Variants in BET1 observed in about 807,000 individuals in gnomAD.
The protein encoded by BET1 is Bet1 golgi vesicular membrane trafficking protein.
BET1 carries 9 observed loss-of-function variants against 13.9 expected under a neutral mutation model. That is an observed-to-expected ratio of 0.65 (90% CI 0.39 to 1.13). The LOEUF (loss-of-function observed/expected upper bound fraction) is 1.13, where lower values mean the gene tolerates loss of function less well. Among genes scored for constraint, BET1 ranks in the 50% most tolerant of loss-of-function variants. The pLI is 0.01. For missense variants in BET1, 127 were observed against 133.6 expected, an observed-to-expected ratio of 0.95 and a Z score of 0.24; for synonymous variants, 39 against 47.3, an observed-to-expected ratio of 0.82 and a Z score of 0.72.
In BET1 at chr7:93,987,877, T is replaced by C. The variant is rs563028665; in HGVS notation, c.235+6475A>G. On this transcript the variant is annotated intron_variant and NMD_transcript_variant, in intron 4 of 6. Coordinates refer to the BET1 transcript ENST00000357520. ...GACCCTGTAGACATGGCATTCAATT[T>C]TAACTCATCTTCCCTCAGCTTTAAA... Among the ~76,000 whole-genome samples the C allele has an allele frequency of 2.0e-5, 3 of 152,310 alleles. No individual in the cohort carries two copies. In the South Asian group the frequency reaches 6.2e-4, roughly 32 times the overall value.
At chr7:93,974,939 A>C (rs1441264812) in intron 5 of BET1, among the ~76,000 whole-genome samples, 2 of 152,132 alleles carry the variant, frequency 1.3e-5, no homozygotes, top group Non-Finnish European at 1.5e-5. Flanking sequence ...TACATGATAT[A>C]CATATATTGA....
exon 7 of BET1, chr7:93,964,992 T>G (rs181641499): frequency 3.3e-5 from 5 of 152,154 alleles, no homozygotes; most frequent in Admixed American, 3.3e-4. Flanking sequence ...CAAAGGAAAA[T>G]AAATCATTCT....
At chr7:93,967,828 A>G (rs1413760527) in intron 6 of BET1, among the ~76,000 whole-genome samples, 1 of 151,810 alleles carries the variant, frequency 6.6e-6, no homozygotes, top group African/African-American at 2.4e-5. Flanking sequence ...CTCTGCAGTT[A>G]TCACAATGTA....
intron 1 of BET1, among the ~76,000 whole-genome samples, chr7:94,000,085 T>G (rs11973579): frequency 0.13 from 20,042 of 151,326 alleles, 3,881 homozygotes; most frequent in African/African-American, 0.43. Flanking sequence ...AACGGCATAG[T>G]TCAGGGTGTT....
chr7:93,990,780 G>A (rs1335685115), downstream of BET1, among the ~76,000 whole-genome samples: 1 of 150,744 alleles, frequency 6.6e-6, no homozygotes, highest in African/African-American at 2.4e-5. Context: ...AGCTACTAAT[G>A]TTATAAATGA....
intron 4 of BET1, among the ~76,000 whole-genome samples, chr7:93,977,658 C>T (rs528312313): frequency 6.6e-6 from 1 of 152,164 alleles, no homozygotes; most frequent in East Asian, 1.9e-4. Flanking sequence ...CGGGACCAAC[C>T]CTCACAGGGG....
At position 93,994,334 on chromosome 7, in the gene BET1, G is replaced by C. The variant is rs771004388; in HGVS notation, c.253C>G (p.Leu85Val). 3.5e-5 allele frequency: 56 copies of C among 1,613,608 alleles called. No homozygotes were observed. Among genetic ancestry groups the C allele is most frequent in the Admixed American group, 2.5e-4 (15 of 59,968 alleles). The change falls in exon 4 of 4, where the codon CTG becomes GTG. Residue 85 changes from leucine to valine, a missense_variant. Transcript: ENST00000222547. Reference sequence around the variant, plus strand: ...TGGCTCCCTCTGGATAAAATCTTCAGTTTGCCCATAGTTTTACCTAGAAAT... The same window carrying C: ...TGGCTCCCTCTGGATAAAATCTTCACTTTGCCCATAGTTTTACCTAGAAAT... ...TGFLGKTMGK[L>V]KILSRGSQTK...
intron 4 of BET1, among the ~76,000 whole-genome samples, chr7:93,976,834 C>T (rs1316829591): frequency 6.6e-6 from 1 of 152,052 alleles, no homozygotes; most frequent in African/African-American, 2.4e-5. Flanking sequence ...TACCCTCCCA[C>T]ACTTTCCCAT....
At chr7:93,972,295 T>C (rs1007590077) in intron 6 of BET1, 1 of 151,892 alleles carries the variant, frequency 6.6e-6, no homozygotes, top group Non-Finnish European at 1.5e-5. Flanking sequence ...GCTATCATTG[T>C]CGTTGGCTTA....
At chr7:93,964,955 C>G (rs778811065) in exon 7 of BET1, 1 of 152,042 alleles carries the variant, frequency 6.6e-6, no homozygotes, top group Non-Finnish European at 1.5e-5. Context: ...CCACTTAGCC[C>G]AGCAATCCCA....
At chr7:93,969,996 T>C (rs1795233578) in intron 6 of BET1, among the ~76,000 whole-genome samples, 1 of 151,822 alleles carries the variant, frequency 6.6e-6, no homozygotes, top group Admixed American at 6.6e-5. Context: ...CTATATGCCT[T>C]TTTTGGTCTT....
chr7:93,978,198 T>C (rs1473602886), intron 4 of BET1, among the ~76,000 whole-genome samples: 3 of 152,062 alleles, frequency 2.0e-5, no homozygotes. Flanking sequence ...AGCCTCCCCA[T>C]AGCTGGGACT....
chr7:93,974,556 GA>G (rs760410387), intron 5 of BET1, among the ~76,000 whole-genome samples: 3 of 151,886 alleles, frequency 2.0e-5, no homozygotes, highest in African/African-American at 7.2e-5. Context: ...TTTACAAAAA[GA>G]AAAAATGTAA....
At position 93,994,352 on chromosome 7, in the gene BET1, CT is replaced by C; in HGVS notation, c.234del (p.Gly79ValfsTer7). ...ATCTTCAGTTTGCCCATAGTTTTAC[CT>C]AGAAATCCAGTTGTGGAATCAAATT... ...DSQFDSTTGFLGKTMGKLKIL... is the reference protein window; with the variant it reads ...DSQFDSTTGFXGKTMGKLKIL... On this transcript the variant is annotated frameshift_variant, in exon 4 of 4. Coordinates refer to ENST00000222547, the MANE Select transcript of BET1 (RefSeq NM_005868.6). LOFTEE classifies it high-confidence loss of function. 3 of 1,613,580 alleles carry C rather than the reference CT, an allele frequency of 1.9e-6. No homozygotes were observed. The highest frequency in any genetic ancestry group is 2.5e-6 in the Non-Finnish European group (3 of 1,179,736).
intron 1 of BET1, among the ~76,000 whole-genome samples, chr7:94,001,454 C>T (rs1289401658): frequency 6.6e-6 from 1 of 152,092 alleles, no homozygotes; most frequent in Non-Finnish European, 1.5e-5. Context: ...GCAGCAGATA[C>T]CTATGCAATC....
chr7:93,992,357 G>T (rs1249914936), downstream of BET1: 1 of 985,176 alleles, frequency 1.0e-6, no homozygotes, highest in East Asian at 1.1e-4. Context: ...AAACAATCCT[G>T]AAATCCATCC....
At chr7:93,971,248 C>T (rs1022916052) in intron 6 of BET1, among the ~76,000 whole-genome samples, 1 of 151,706 alleles carries the variant, frequency 6.6e-6, no homozygotes, top group African/African-American at 2.4e-5. Context: ...GCCCAGACCC[C>T]CTTTTAACAA....
At chr7:93,983,531 C>G (rs1288130783) in intron 4 of BET1, among the ~76,000 whole-genome samples, 1 of 151,890 alleles carries the variant, frequency 6.6e-6, no homozygotes, top group Admixed American at 6.6e-5. Flanking sequence ...ATTCATGGAC[C>G]TAAAAAAATT....
Position 93,993,628 on chromosome 7 carries a change from G to T in BET1, c.*602C>A. ...GTGCAATGGGCCCTACCAGAAATAT[G>T]CCAAAATAACAAGTTTTATTTAAAG... On this transcript the variant is annotated 3_prime_UTR_variant, in exon 4 of 4. Transcript: ENST00000222547. 1 of 1,265,970 alleles carries T rather than the reference G, an allele frequency of 7.9e-7. No homozygotes were observed. Among genetic ancestry groups the T allele is most frequent in the Non-Finnish European group, 9.9e-7 (1 of 1,007,748 alleles). 78.4% of individuals were successfully genotyped at this position (1,265,970 alleles called of 1,614,324 possible). A position where few individuals can be genotyped will look rare whatever the true frequency, so the allele number is the denominator to read the frequency against.
Sources: gnomAD v4.1 joint callset for allele counts (sites outside exome capture counted in the v4.1 genomes callset) on GRCh38, gnomAD v4.1.1 for gene constraint, MANE v1.5 for transcripts, NCBI Gene and HGNC (gene_info 2026-07-23, HGNC 2026-07-21) for gene names.